The following RALYL variants were observed in gnomAD, a reference collection of about 807,000 sequenced individuals.
RALYL encodes the protein RALY RNA binding protein like, also known as RNA-binding Raly-like protein.
Under a neutral mutation model 35.1 loss-of-function variants are expected in RALYL, and 29 were observed. The observed-to-expected ratio is 0.83, with a 90% CI of 0.61 to 1.13. The LOEUF (loss-of-function observed/expected upper bound fraction) is 1.13, where lower values mean the gene tolerates loss of function less well. Among genes scored for constraint, RALYL ranks in the 50% most tolerant of loss-of-function variants. The pLI is 0.00. For missense variants in RALYL, 359 were observed against 360.4 expected (o/e 1.00, Z 0.03); for synonymous variants, 120 against 127.6 (o/e 0.94, Z 0.40).
intron 1 of RALYL, among the ~76,000 whole-genome samples, chr8:84,354,824 C>T (rs749831866): frequency 2.0e-5 from 3 of 150,064 alleles, no homozygotes; most frequent in Non-Finnish European, 4.4e-5. Context: ...CTTAAGGTTT[C>T]AGTTTTCTTT....
At chr8:84,558,919 G>A (rs1335370890) in intron 2 of RALYL, among the ~76,000 whole-genome samples, 2 of 152,002 alleles carry the variant, frequency 1.3e-5, no homozygotes, top group South Asian at 2.1e-4. Flanking sequence ...GCACTGTACC[G>A]AGTCTGTGAA....
rs1409003191 is a variant in RALYL, at chr8:84,800,131, GT to G, written c.333-4638del. 2.6e-5 allele frequency among the ~76,000 whole-genome samples: 4 copies of G among 152,280 alleles called. No individual in the cohort carries two copies. The East Asian group carries it at 5.8e-4, about 22-fold the overall frequency. ...TGGAATTTCCAACATCTGAATCCAG[GT>G]GAGCTTTCTCAATAGAGCATAGAAG... On this transcript the variant is annotated intron_variant, in intron 3 of 8. Coordinates refer to ENST00000521268, the MANE Select transcript of RALYL (RefSeq NM_173848.7).
chr8:84,807,887 T>G (rs146452063), intron 4 of RALYL, among the ~76,000 whole-genome samples: 36 of 152,374 alleles, frequency 2.4e-4, no homozygotes, highest in African/African-American at 7.5e-4. Flanking sequence ...ACTGATTTGA[T>G]TGAGTTCATT....
At chr8:84,575,950 A>G (rs1165617119) in intron 2 of RALYL, among the ~76,000 whole-genome samples, 2 of 150,678 alleles carry the variant, frequency 1.3e-5, no homozygotes, top group African/African-American at 2.5e-5. Flanking sequence ...CAACATAGCA[A>G]GATTTTGTCT....
intron 2 of RALYL, among the ~76,000 whole-genome samples, chr8:84,683,700 G>GTTTTGA (rs376563178): frequency 1.2e-3 from 187 of 151,994 alleles, no homozygotes; most frequent in African/African-American, 4.1e-3. Flanking sequence ...TTTGGTTTTG[G>GTTTTGA]TTTTGAAACT....
intron 1 of RALYL, among the ~76,000 whole-genome samples, chr8:84,464,654 C>T (rs1038299231): frequency 1.9e-4 from 29 of 151,892 alleles, no homozygotes; most frequent in Middle Eastern, 3.4e-3. Flanking sequence ...GGGTATATAC[C>T]CAGTAATGGG....
intron 3 of RALYL, among the ~76,000 whole-genome samples, chr8:84,789,274 G>C (rs1297888224): frequency 2.0e-5 from 3 of 152,152 alleles, no homozygotes; most frequent in African/African-American, 7.2e-5. Flanking sequence ...AACAGAAGAT[G>C]ACCCACAAAT....
At chr8:84,708,827 T>A (rs1554789284) in intron 2 of RALYL, among the ~76,000 whole-genome samples, 2 of 152,156 alleles carry the variant, frequency 1.3e-5, no homozygotes, top group Non-Finnish European at 2.9e-5. Context: ...GGTACATTTT[T>A]AAAAAATGAA....
At chr8:84,191,768 A>G (rs62528128) in intron 1 of RALYL, among the ~76,000 whole-genome samples, 12,705 of 152,256 alleles carry the variant, frequency 0.083, 615 homozygotes, top group East Asian at 0.24. Context: ...AAATAAATAT[A>G]TAAAAAAGAA....
chr8:84,264,614 G>C (rs1563633774), intron 1 of RALYL, among the ~76,000 whole-genome samples: 1 of 151,756 alleles, frequency 6.6e-6, no homozygotes, highest in South Asian at 2.1e-4. Flanking sequence ...AGTTTAATTA[G>C]ATTTTTTAAA....
chr8:84,684,888 A>G (rs1189659831), intron 2 of RALYL, among the ~76,000 whole-genome samples: 1 of 152,200 alleles, frequency 6.6e-6, no homozygotes, highest in Non-Finnish European at 1.5e-5. Flanking sequence ...TATTTTTTGC[A>G]CAGTTTAGGA....
intron 1 of RALYL, among the ~76,000 whole-genome samples, chr8:84,411,991 T>G (rs1434492710): frequency 6.6e-6 from 1 of 152,024 alleles, no homozygotes; most frequent in East Asian, 1.9e-4. Flanking sequence ...AGAAGAAGTA[T>G]GATAATATAC....
intron 2 of RALYL, among the ~76,000 whole-genome samples, chr8:84,722,617 T>TTATATATATATA (rs71823678): frequency 2.0e-3 from 196 of 97,334 alleles, no homozygotes; most frequent in African/African-American, 6.2e-3. Context: ...TAGAGTGATT[T>TTATATATATATA]TATATATATA....
chr8:84,591,377 A>G (rs997096919), intron 2 of RALYL, among the ~76,000 whole-genome samples: 5 of 152,196 alleles, frequency 3.3e-5, no homozygotes, highest in Admixed American at 1.3e-4. Flanking sequence ...AAAAGCATAG[A>G]CATCAGCATG....
chr8:84,756,650 G>A (rs1811485402), intron 2 of RALYL, among the ~76,000 whole-genome samples: 1 of 152,062 alleles, frequency 6.6e-6, no homozygotes, highest in South Asian at 2.1e-4. Context: ...CCACTCTGAG[G>A]AGAGAAGTTA....
At chr8:84,331,085 G>A (rs1846713757) in intron 1 of RALYL, among the ~76,000 whole-genome samples, 1 of 152,006 alleles carries the variant, frequency 6.6e-6, no homozygotes. Flanking sequence ...AGGAAGAACA[G>A]TGAATATTCT....
chr8:84,596,445 G>A (rs1036051140), intron 2 of RALYL, among the ~76,000 whole-genome samples: 3 of 152,158 alleles, frequency 2.0e-5, no homozygotes, highest in Admixed American at 6.6e-5. Context: ...GGAACCATCA[G>A]TTTTTCAGGG....
chr8:84,406,966 A>G (rs1329596055), intron 1 of RALYL, among the ~76,000 whole-genome samples: 2 of 151,656 alleles, frequency 1.3e-5, no homozygotes, highest in Admixed American at 1.3e-4. Flanking sequence ...ACACAGGAAC[A>G]TTGCTGATAT....
At chr8:84,907,874 C>A (rs1452058170) in intron 8 of RALYL, among the ~76,000 whole-genome samples, 1 of 151,678 alleles carries the variant, frequency 6.6e-6, no homozygotes, top group South Asian at 2.1e-4. Flanking sequence ...TAAAAAAAAA[C>A]CTTGATATTT....
Sources: gnomAD v4.1 joint callset for allele counts (sites outside exome capture counted in the v4.1 genomes callset) on GRCh38, gnomAD v4.1.1 for gene constraint, MANE v1.5 for transcripts, NCBI Gene and HGNC (gene_info 2026-07-23, HGNC 2026-07-21) for gene names.